The following MARCHF1 variants were observed in gnomAD, a reference collection of about 807,000 sequenced individuals.
MARCHF1 encodes E3 ubiquitin-protein ligase MARCHF1.
MARCHF1 carries 40 observed loss-of-function variants against 54.2 expected under a neutral mutation model. That is an observed-to-expected ratio of 0.74 (90% CI 0.57 to 0.96). The LOEUF (loss-of-function observed/expected upper bound fraction) is 0.96. Among genes scored for constraint, MARCHF1 ranks in the 40% least tolerant of loss-of-function variants. The pLI is 0.00. For synonymous variants in MARCHF1, 236 were observed against 236.3 expected, an observed-to-expected ratio of 1.00 and a Z score of 0.01; for missense variants, 586 against 656.5, an observed-to-expected ratio of 0.89 and a Z score of 1.17.
At chr4:163,851,307 AC>A in intron 4 of MARCHF1, among the ~76,000 whole-genome samples, 1 of 152,244 alleles carries the variant, frequency 6.6e-6, no homozygotes, top group South Asian at 2.1e-4. Context: ...ATCCTCTCTG[AC>A]CTCTAGATTG....
chr4:164,051,747 T>C (rs189113513), intron 2 of MARCHF1, among the ~76,000 whole-genome samples: 82 of 152,328 alleles, frequency 5.4e-4, no homozygotes, highest in African/African-American at 1.8e-3. Flanking sequence ...ATCACCATGT[T>C]ATTCTGTTAT....
At position 163,533,384 on chromosome 4, in the gene MARCHF1, T is replaced by C. The variant is rs1248329493; in HGVS notation, c.1340-4338A>G. On this transcript the variant is annotated intron_variant, in intron 9 of 9. Coordinates refer to ENST00000514618, the MANE Select transcript of MARCHF1 (RefSeq NM_001394959.1). ...ATGAATAGGTGGAACACAGGGACTT[T>C]TTAAGGCGGCAACACCATTCTGTAT... Among the ~76,000 whole-genome samples, 3 of 151,896 alleles carry C rather than the reference T, an allele frequency of 2.0e-5. 1 individual carries two copies. The highest frequency in any genetic ancestry group is 7.2e-5 in the African/African-American group (3 of 41,384).
chr4:163,611,479 T>C (rs888424489), intron 7 of MARCHF1, among the ~76,000 whole-genome samples: 1 of 152,118 alleles, frequency 6.6e-6, no homozygotes, highest in Non-Finnish European at 1.5e-5. Flanking sequence ...TTTGCTCTCA[T>C]ACAGAATCTA....
intron 1 of MARCHF1, among the ~76,000 whole-genome samples, chr4:164,379,870 C>T (rs1731318231): frequency 6.6e-6 from 1 of 151,756 alleles, no homozygotes; most frequent in Non-Finnish European, 1.5e-5. Context: ...GGACGAGAAC[C>T]ACTTGAGGCA....
intron 3 of MARCHF1, among the ~76,000 whole-genome samples, chr4:163,928,952 G>A (rs1277817163): frequency 6.6e-6 from 1 of 151,844 alleles, no homozygotes; most frequent in East Asian, 1.9e-4. Context: ...AAAAATAAGA[G>A]ACCTATATGT....
chr4:164,073,336 G>A (rs944903646), intron 2 of MARCHF1, among the ~76,000 whole-genome samples: 3 of 152,208 alleles, frequency 2.0e-5, no homozygotes, highest in Non-Finnish European at 4.4e-5. Flanking sequence ...ATGATTTCAT[G>A]TCCTTTGCAG....
chr4:163,640,620 T>A (rs1254489262), intron 5 of MARCHF1, among the ~76,000 whole-genome samples: 2 of 152,140 alleles, frequency 1.3e-5, no homozygotes, highest in African/African-American at 2.4e-5. Flanking sequence ...ATTTCTACCA[T>A]GTTCATACCA....
At chr4:163,831,317 C>G (rs1560776980) in intron 4 of MARCHF1, among the ~76,000 whole-genome samples, 1 of 152,170 alleles carries the variant, frequency 6.6e-6, no homozygotes, top group Non-Finnish European at 1.5e-5. Flanking sequence ...GACACAGTGG[C>G]TGACGCCTAT....
At chr4:164,319,527 T>A (rs1195531500) in intron 1 of MARCHF1, among the ~76,000 whole-genome samples, 1 of 152,178 alleles carries the variant, frequency 6.6e-6, no homozygotes, top group African/African-American at 2.4e-5. Flanking sequence ...AATATTTTAA[T>A]TAAAAATGTC....
chr4:164,242,535 G>A (rs1288298606), intron 1 of MARCHF1, among the ~76,000 whole-genome samples: 2 of 151,582 alleles, frequency 1.3e-5, no homozygotes, highest in Admixed American at 1.3e-4. Context: ...GGAAAAAACA[G>A]AACAGAAAAA....
At chr4:164,170,707 A>G (rs7674096) in intron 1 of MARCHF1, among the ~76,000 whole-genome samples, 28,764 of 152,058 alleles carry the variant, frequency 0.19, 4,369 homozygotes, top group African/African-American at 0.41. Context: ...AGGGAAGGGC[A>G]GAGTCATTTA....
intron 1 of MARCHF1, among the ~76,000 whole-genome samples, chr4:164,156,223 G>C (rs202131311): frequency 6.6e-6 from 1 of 151,950 alleles, no homozygotes; most frequent in Admixed American, 6.6e-5. Context: ...AATTTTTCTC[G>C]CACAAAACTA....
chr4:163,767,002 C>T (rs548079352), intron 4 of MARCHF1, among the ~76,000 whole-genome samples: 70 of 148,626 alleles, frequency 4.7e-4, no homozygotes, highest in African/African-American at 1.7e-3. Flanking sequence ...ATAGGCCAAG[C>T]ATTAGGACAT....
chr4:163,904,894 T>C (rs566154723), intron 3 of MARCHF1, among the ~76,000 whole-genome samples: 1 of 152,286 alleles, frequency 6.6e-6, no homozygotes, highest in African/African-American at 2.4e-5. Flanking sequence ...ATCATTACAT[T>C]ACATCTGATT....
chr4:163,735,253 C>T (rs757357473), intron 4 of MARCHF1, among the ~76,000 whole-genome samples: 12 of 152,082 alleles, frequency 7.9e-5, no homozygotes, highest in Non-Finnish European at 2.9e-5. Context: ...CTCCCTGGAT[C>T]TTATCACCAC....
chr4:164,226,861 C>A (rs968710497), intron 1 of MARCHF1, among the ~76,000 whole-genome samples: 3 of 151,854 alleles, frequency 2.0e-5, no homozygotes, highest in African/African-American at 7.3e-5. Flanking sequence ...ACCAAACAGC[C>A]AAGGAGATCT....
At chr4:163,974,208 T>G (rs1752605372) in intron 3 of MARCHF1, among the ~76,000 whole-genome samples, 2 of 152,206 alleles carry the variant, frequency 1.3e-5, no homozygotes, top group Admixed American at 1.3e-4. Flanking sequence ...TGTAACTGTT[T>G]CAATCAATAG....
intron 1 of MARCHF1, among the ~76,000 whole-genome samples, chr4:164,288,692 T>C (rs1324065158): frequency 3.3e-5 from 5 of 152,070 alleles, no homozygotes; most frequent in Non-Finnish European, 5.9e-5. Flanking sequence ...TATCTCCCCA[T>C]GGTTATATAT....
chr4:164,287,529 C>T (rs1734180798), intron 1 of MARCHF1, among the ~76,000 whole-genome samples: 1 of 152,120 alleles, frequency 6.6e-6, no homozygotes, highest in East Asian at 1.9e-4. Flanking sequence ...TTAAAAGTCA[C>T]CAAGACTTTA....
Sources: gnomAD v4.1 joint callset for allele counts (sites outside exome capture counted in the v4.1 genomes callset) on GRCh38, gnomAD v4.1.1 for gene constraint, MANE v1.5 for transcripts, NCBI Gene and HGNC (gene_info 2026-07-23, HGNC 2026-07-21) for gene names.